PEAK1: variants seen among roughly 807,000 people sequenced by gnomAD.
PEAK1 encodes pseudopodium enriched atypical kinase 1, also known as inactive tyrosine-protein kinase PEAK1.
In PEAK1, 54 loss-of-function variants were observed where a neutral mutation model predicts 124.7. The observed-to-expected ratio is 0.43, with a 90% CI of 0.35 to 0.54. The LOEUF (loss-of-function observed/expected upper bound fraction) is 0.54, where lower values mean the gene tolerates loss of function less well. Ranked by LOEUF, PEAK1 falls within the 20% of genes least tolerant of loss-of-function variation. The pLI, the probability that PEAK1 is intolerant of heterozygous loss-of-function variation, is 0.01. For missense variants in PEAK1, 2,046 were observed against 2,134.5 expected (o/e 0.96, Z 0.82); for synonymous variants, 719 against 760.0 (o/e 0.95, Z 0.89).
chr15:77,282,540 C>A (rs2062726831), intron 5 of PEAK1, among the ~76,000 whole-genome samples: 1 of 152,166 alleles, frequency 6.6e-6, no homozygotes, highest in Non-Finnish European at 1.5e-5. Context: ...GAATGGGACA[C>A]CAGCCTGGAA....
rs538571029 is a variant in PEAK1, at chr15:77,294,441, A to C, written c.-602-7937T>G. Among the ~76,000 whole-genome samples, 576 of 152,334 alleles carry C rather than the reference A, an allele frequency of 3.8e-3. 6 individuals are homozygous for C. The highest frequency in any genetic ancestry group is 0.01 in the Middle Eastern group (3 of 294). On this transcript the variant is annotated intron_variant, in intron 2 of 9. Coordinates refer to ENST00000682557, the MANE Select transcript of PEAK1 (RefSeq NM_001385026.1). ...ATTTTACTGCTCTCTGTAAAGATTC[A>C]GAAAGAACATTAACAAGTTATCGAG...
chr15:77,118,016 C>T (rs752694165), intron 9 of PEAK1, among the ~76,000 whole-genome samples: 1 of 152,032 alleles, frequency 6.6e-6, no homozygotes, highest in Non-Finnish European at 1.5e-5. Context: ...AAGTGATTTA[C>T]GAAGAAGAAA....
chr15:77,180,851 C>T lies in PEAK1; in HGVS notation c.1076G>A (p.Ser359Asn). The change falls in exon 7 of 10, where the codon AGT becomes AAT. Residue 359 changes from serine to asparagine, a missense_variant. Physicochemically the swap from Ser to Asn is conservative, Grantham distance 46. Coordinates refer to ENST00000682557, the MANE Select transcript of PEAK1 (RefSeq NM_001385026.1). Reference protein sequence around the residue: ...TEESRSETASSLSQKICNGGL... With the variant: ...TEESRSETASNLSQKICNGGL... The stretch of plus-strand genomic sequence containing the variant: ...CCCATTACAAATCTTCTGGGATAAA[C>T]TACTGGCTGTCTCAGAACGTGATTC... The T allele has an allele frequency of 6.2e-7, 1 of 1,613,944 alleles. No individual in the cohort carries two copies. Among genetic ancestry groups the T allele is most frequent in the Non-Finnish European group, 8.5e-7 (1 of 1,179,948 alleles).
At chr15:77,328,433 T>G (rs529182848) in intron 2 of PEAK1, among the ~76,000 whole-genome samples, 1 of 152,276 alleles carries the variant, frequency 6.6e-6, no homozygotes, top group Non-Finnish European at 1.5e-5. Flanking sequence ...CCATTAAAAG[T>G]GCTCTTTATA....
intron 1 of PEAK1, chr15:77,404,447 G>C: frequency 1.6e-6 from 1 of 606,388 alleles, no homozygotes; most frequent in Non-Finnish European, 2.1e-6. Flanking sequence ...AAAATAGAAT[G>C]TAAAATATCT....
At chr15:77,203,334 AT>A (rs1428542213) in intron 6 of PEAK1, among the ~76,000 whole-genome samples, 1 of 152,234 alleles carries the variant, frequency 6.6e-6, no homozygotes, top group African/African-American at 2.4e-5. Flanking sequence ...CATAGAGACA[AT>A]AAAAATCTGG....
chr15:77,352,007 G>T, intron 2 of PEAK1: 2 of 953,406 alleles, frequency 2.1e-6, no homozygotes, highest in Non-Finnish European at 2.5e-6. Context: ...TATAGCTTGA[G>T]CCCAGGAGTT....
At chr15:77,337,195 A>G (rs1396316611) in intron 2 of PEAK1, 11 of 984,794 alleles carry the variant, frequency 1.1e-5, no homozygotes, top group Non-Finnish European at 1.3e-5. Context: ...TAGAGGAGTA[A>G]AAGAAGTCCA....
At chr15:77,270,082 C>A (rs1220084188) in intron 5 of PEAK1, among the ~76,000 whole-genome samples, 1 of 152,106 alleles carries the variant, frequency 6.6e-6, no homozygotes, top group Admixed American at 6.6e-5. Context: ...TTACTTCCAA[C>A]TATGTGGTCA....
chr15:77,325,304 G>A (rs2065496216), intron 2 of PEAK1, among the ~76,000 whole-genome samples: 1 of 152,036 alleles, frequency 6.6e-6, no homozygotes, highest in South Asian at 2.1e-4. Flanking sequence ...CAGCTATTCA[G>A]GAGGCTGAGG....
intron 8 of PEAK1, among the ~76,000 whole-genome samples, chr15:77,143,860 A>C (rs1216915465): frequency 6.6e-6 from 1 of 152,234 alleles, no homozygotes; most frequent in Admixed American, 6.5e-5. Flanking sequence ...TGTGTACCCA[A>C]GACCAAGCAA....
chr15:77,331,077 T>A (rs1335826409), intron 2 of PEAK1: 1 of 742,440 alleles, frequency 1.3e-6, no homozygotes, highest in Non-Finnish European at 1.6e-6. Context: ...ATTATAGACA[T>A]ATACTATGTA....
chr15:77,200,872 TTTC>T (rs1596576094), intron 6 of PEAK1, among the ~76,000 whole-genome samples: 1 of 152,052 alleles, frequency 6.6e-6, no homozygotes, highest in African/African-American at 2.4e-5. Flanking sequence ...AATGGTTAAA[TTTC>T]TTCTTTCTTT....
intron 1 of PEAK1, among the ~76,000 whole-genome samples, chr15:77,393,775 C>T (rs576485889): frequency 6.6e-6 from 1 of 152,338 alleles, no homozygotes; most frequent in Non-Finnish European, 1.5e-5. Flanking sequence ...CTTTGTCTTA[C>T]AGCTTACCAG....
intron 2 of PEAK1, chr15:77,335,481 C>T (rs1210951734): frequency 1.7e-5 from 17 of 985,146 alleles, no homozygotes; most frequent in African/African-American, 7.0e-5. Flanking sequence ...CACGTTGATG[C>T]TTACTACTTT....
At chr15:77,230,098 C>T (rs1281564383) in intron 6 of PEAK1, among the ~76,000 whole-genome samples, 5 of 151,996 alleles carry the variant, frequency 3.3e-5, no homozygotes, top group Admixed American at 3.3e-4. Context: ...ATAAAATATA[C>T]CAATATTTAA....
chr15:77,216,928 A>G (rs544482423), intron 6 of PEAK1, among the ~76,000 whole-genome samples: 1 of 152,284 alleles, frequency 6.6e-6, no homozygotes, highest in Non-Finnish European at 1.5e-5. Context: ...CGGCTTTACC[A>G]GTATGGTCTT....
chr15:77,411,199 C>G (rs148343497), intron 1 of PEAK1, among the ~76,000 whole-genome samples: 1,574 of 151,230 alleles, frequency 0.01, 27 homozygotes, highest in African/African-American at 0.036. Flanking sequence ...AAGGCCAACC[C>G]TGCTTGATTT....
At chr15:77,373,197 C>T (rs2068766674) in intron 1 of PEAK1, among the ~76,000 whole-genome samples, 1 of 152,174 alleles carries the variant, frequency 6.6e-6, no homozygotes, top group African/African-American at 2.4e-5. Flanking sequence ...ATCCACTATG[C>T]TCTCTTATGC....
Sources: gnomAD v4.1 joint callset for allele counts (sites outside exome capture counted in the v4.1 genomes callset) on GRCh38, gnomAD v4.1.1 for gene constraint, MANE v1.5 for transcripts, NCBI Gene and HGNC (gene_info 2026-07-23, HGNC 2026-07-21) for gene names.